Variants in MTSS1 observed in about 807,000 individuals in gnomAD.
MTSS1 encodes MTSS I-BAR domain containing 1, also known as protein MTSS 1.
MTSS1 carries 18 observed loss-of-function variants against 79.0 expected under a neutral mutation model. That is an observed-to-expected ratio of 0.23 (90% CI 0.16 to 0.34). The LOEUF is 0.34. MTSS1 is among the 10% of genes least tolerant of loss of function. The pLI is 1.00. For synonymous variants in MTSS1, 341 were observed against 368.6 expected (o/e 0.93, Z 0.86); for missense variants, 815 against 986.2 (o/e 0.83, Z 2.33).
chr8:124,635,889 A>T (rs1816889567), intron 3 of MTSS1, among the ~76,000 whole-genome samples: 1 of 151,942 alleles, frequency 6.6e-6, no homozygotes. Flanking sequence ...CTGCCTCAAT[A>T]TTCTCATTTA....
intron 6 of MTSS1, chr8:124,568,788 A>G (rs1225530831): frequency 1.1e-5 from 16 of 1,448,074 alleles, no homozygotes; most frequent in Non-Finnish European, 1.4e-5. Context: ...GCAACTCTTC[A>G]TGACTTGCCT....
At chr8:124,653,898 C>T (rs1820471840) in intron 3 of MTSS1, among the ~76,000 whole-genome samples, 1 of 152,198 alleles carries the variant, frequency 6.6e-6, no homozygotes, top group Admixed American at 6.5e-5. Context: ...TCGCATTCAA[C>T]AGATGCCGGA....
At position 124,582,622 on chromosome 8, in the gene MTSS1, CAAAA is replaced by C. The variant is rs371565145; in HGVS notation, c.460+2461_460+2464del. Reference sequence around the variant, plus strand: ...ATACATCAGATTCCGTCTATCAGGACAAAAAAAAAAATGTATCCAAAACCTTCAT... The same window carrying C: ...ATACATCAGATTCCGTCTATCAGGACAAAAAAATGTATCCAAAACCTTCAT... On this transcript the variant is annotated intron_variant, in intron 6 of 13. Coordinates refer to ENST00000518547, the MANE Select transcript of MTSS1 (RefSeq NM_014751.6). This position sits in a 1 kb window ranked among gnomAD's most constrained non-coding sequence, Gnocchi z 4.8. 6.9e-6 allele frequency among the ~76,000 whole-genome samples: 1 copy of C among 144,424 alleles called. No individual in the cohort carries two copies. The highest frequency in any genetic ancestry group is 1.5e-5 in the Non-Finnish European group (1 of 65,692). 94.7% of individuals were successfully genotyped at this position (144,424 alleles called of 152,430 possible).
chr8:124,657,535 A>G (rs1821192830), intron 3 of MTSS1, among the ~76,000 whole-genome samples: 1 of 152,060 alleles, frequency 6.6e-6, no homozygotes, highest in Non-Finnish European at 1.5e-5. Flanking sequence ...TGTGAACAGA[A>G]GTTACTTTCC....
chr8:124,583,532 C>T (rs771990066), intron 6 of MTSS1, among the ~76,000 whole-genome samples: 4 of 152,220 alleles, frequency 2.6e-5, no homozygotes, highest in Admixed American at 6.5e-5. Flanking sequence ...ACAACCAATT[C>T]AGCCTCCATG....
In MTSS1 at chr8:124,612,574, A is replaced by ATGTGTGTGTGTGTG. The variant is rs58367314; in HGVS notation, c.209-21353_209-21340dup. Among the ~76,000 whole-genome samples, 202 of 99,572 alleles carry ATGTGTGTGTGTGTG rather than the reference A, an allele frequency of 2.0e-3. 2 individuals are homozygous for ATGTGTGTGTGTGTG. The highest frequency in any genetic ancestry group is 5.3e-3 in the Middle Eastern group (1 of 188). 65.3% of individuals were successfully genotyped at this position (99,572 alleles called of 152,430 possible). ...TGAGATTTTAAAGACCAAGTTTAAA[A>ATGTGTGTGTGTGTG]TGTGTGTGTGTGTGTGTGTGTGTGT... On this transcript the variant is annotated intron_variant, in intron 3 of 13. Coordinates refer to ENST00000518547, the MANE Select transcript of MTSS1 (RefSeq NM_014751.6).
intron 3 of MTSS1, among the ~76,000 whole-genome samples, chr8:124,655,122 G>A (rs1483272594): frequency 6.6e-6 from 1 of 152,240 alleles, no homozygotes; most frequent in African/African-American, 2.4e-5. Flanking sequence ...ATGTACAGAT[G>A]AGAGTTTTGA....
chr8:124,707,399 AAAAAC>A (rs1347392835), intron 1 of MTSS1, among the ~76,000 whole-genome samples: 1 of 117,990 alleles, frequency 8.5e-6, no homozygotes, highest in African/African-American at 2.7e-5. Context: ...ATACAAAAAA[AAAAAC>A]AAACAAACAA....
At chr8:124,590,021 T>C (rs1831573213) in intron 4 of MTSS1, among the ~76,000 whole-genome samples, 1 of 152,126 alleles carries the variant, frequency 6.6e-6, no homozygotes, top group African/African-American at 2.4e-5. Context: ...CATGCCCAAC[T>C]AATTTTTTGT....
chr8:124,674,794 G>A (rs1003893357), intron 3 of MTSS1, among the ~76,000 whole-genome samples: 3 of 151,788 alleles, frequency 2.0e-5, no homozygotes, highest in Non-Finnish European at 2.9e-5. Flanking sequence ...CACTCTCAAC[G>A]CACTGCAACC....
At chr8:124,562,034 A>AT (rs1416623123) in intron 10 of MTSS1, among the ~76,000 whole-genome samples, 1 of 152,218 alleles carries the variant, frequency 6.6e-6, no homozygotes, top group Non-Finnish European at 1.5e-5. Flanking sequence ...GGCACCCAGC[A>AT]TTCTGTATGT....
At chr8:124,658,752 G>A (rs1821450711) in intron 3 of MTSS1, among the ~76,000 whole-genome samples, 1 of 152,094 alleles carries the variant, frequency 6.6e-6, no homozygotes, top group African/African-American at 2.4e-5. Context: ...CAGCAGCAAA[G>A]CGCCAAGGGG....
intron 1 of MTSS1, among the ~76,000 whole-genome samples, chr8:124,714,417 G>C (rs1831616860): frequency 6.6e-6 from 1 of 152,130 alleles, no homozygotes; most frequent in Non-Finnish European, 1.5e-5. Flanking sequence ...ACTGTTATTT[G>C]CTCCTAAGCA....
chr8:124,558,922 G>T (rs1824639601), intron 10 of MTSS1: 2 of 1,436,206 alleles, frequency 1.4e-6, no homozygotes, highest in East Asian at 2.5e-5. Context: ...GAATGGGGAT[G>T]GGAGTGGGGA....
intron 3 of MTSS1, among the ~76,000 whole-genome samples, chr8:124,692,473 C>T (rs1156772682): frequency 1.3e-5 from 2 of 152,086 alleles, no homozygotes; most frequent in Non-Finnish European, 2.9e-5. Context: ...AAGTTAAAGG[C>T]TAGTGAAGTC....
At chr8:124,640,575 G>A (rs888070328) in intron 3 of MTSS1, among the ~76,000 whole-genome samples, 2 of 152,192 alleles carry the variant, frequency 1.3e-5, no homozygotes, top group Middle Eastern at 3.4e-3. Flanking sequence ...ATGGAGACTC[G>A]CTCTGTCACC....
At position 124,695,369 on chromosome 8, in the gene MTSS1, A is replaced by G. The variant is rs187838688; in HGVS notation, c.208+4157T>C. 2.2e-4 allele frequency among the ~76,000 whole-genome samples: 33 copies of G among 152,220 alleles called. No individual in the cohort carries two copies. In the South Asian group the frequency reaches 5.0e-3, roughly 23 times the overall value. On this transcript the variant is annotated intron_variant, in intron 3 of 13. Coordinates refer to ENST00000518547, the MANE Select transcript of MTSS1 (RefSeq NM_014751.6). The stretch of plus-strand genomic sequence containing the variant: ...AAAAATACATGTAAAGGCTGTAAGC[A>G]AGGGAGTAACCAAGGATATTCTTTC...
At chr8:124,581,388 T>A (rs1830021236) in intron 6 of MTSS1, among the ~76,000 whole-genome samples, 1 of 152,026 alleles carries the variant, frequency 6.6e-6, no homozygotes, top group Non-Finnish European at 1.5e-5. Flanking sequence ...TGCTGGCCAT[T>A]ATTATTTTTA....
intron 3 of MTSS1, among the ~76,000 whole-genome samples, chr8:124,689,506 G>C (rs1339113422): frequency 6.6e-6 from 1 of 152,040 alleles, no homozygotes; most frequent in Non-Finnish European, 1.5e-5. Flanking sequence ...AGCACTTTGG[G>C]AGGCTGAGGC....
Sources: allele counts gnomAD v4.1 joint callset (sites outside exome capture counted in the v4.1 genomes callset), GRCh38; gene constraint gnomAD v4.1.1; non-coding constraint Gnocchi (gnomAD v3.1); transcripts MANE v1.5; gene names NCBI Gene and HGNC (gene_info 2026-07-23, HGNC 2026-07-21).